Variants in APBA1 observed in about 807,000 individuals in gnomAD.
APBA1 encodes amyloid-beta A4 precursor protein-binding family A member 1.
A neutral mutation model predicts 86.6 loss-of-function variants in APBA1; 55 were observed. The observed-to-expected ratio is 0.64, with a 90% CI of 0.51 to 0.80. APBA1 has a LOEUF of 0.80. Ranked by LOEUF, APBA1 falls within the 30% of genes least tolerant of loss-of-function variation. The pLI, the probability that APBA1 is intolerant of heterozygous loss-of-function variation, is 0.00. For synonymous variants in APBA1, 511 were observed against 493.9 expected (o/e 1.03, Z -0.46); for missense variants, 1,090 against 1,183.0 (o/e 0.92, Z 1.15).
chr9:69,577,545 T>C (rs1409143868), intron 1 of APBA1, among the ~76,000 whole-genome samples: 3 of 152,122 alleles, frequency 2.0e-5, no homozygotes, highest in Non-Finnish European at 4.4e-5. Context: ...GGGTTTACAA[T>C]TTAGGACCAT....
At chr9:69,559,951 G>C (rs1026935921) in intron 1 of APBA1, among the ~76,000 whole-genome samples, 2 of 152,082 alleles carry the variant, frequency 1.3e-5, no homozygotes, top group African/African-American at 4.8e-5. Flanking sequence ...AGTAGTTTTG[G>C]CCCCCACACC....
At chr9:69,443,106 G>A (rs141463886) in intron 10 of APBA1, among the ~76,000 whole-genome samples, 17 of 152,266 alleles carry the variant, frequency 1.1e-4, no homozygotes, top group East Asian at 1.9e-4. Flanking sequence ...GCCAGCAGGT[G>A]TACACCAATG....
rs142641142 is a variant in APBA1, at chr9:69,497,825, G to C, written c.1200+18186C>G. ...GGTTTCATCGTCCATCGGTCACTTC[G>C]GGATCTGCAAATCTGCCTCATCTCA... On this transcript the variant is annotated intron_variant, in intron 2 of 12. Coordinates refer to ENST00000265381, the MANE Select transcript of APBA1 (RefSeq NM_001163.4). Among the ~76,000 whole-genome samples, 4 of 151,996 alleles carry C rather than the reference G, an allele frequency of 2.6e-5. 1 individual carries two copies.
chr9:69,500,282 T>C (rs1194047706), intron 2 of APBA1, among the ~76,000 whole-genome samples: 1 of 152,108 alleles, frequency 6.6e-6, no homozygotes, highest in East Asian at 1.9e-4. Context: ...CAACCCCAAA[T>C]GTTAAGTGAG....
chr9:69,458,166 C>T lies in APBA1; in HGVS notation c.1505G>A (p.Ser502Asn), dbSNP rs777580457. The T allele has an allele frequency of 6.2e-6, 10 of 1,612,040 alleles. No individual in the cohort carries two copies. In the East Asian group the frequency reaches 2.0e-4, roughly 32 times the overall value. The change falls in exon 6 of 13, where the codon AGC (serine) becomes AAC (asparagine). Residue 502 changes from serine (S) to asparagine (N), a missense_variant. Physicochemically the swap from Ser to Asn is conservative, Grantham distance 46. Coordinates refer to ENST00000265381, the MANE Select transcript of APBA1 (RefSeq NM_001163.4). ...TTGTTTGTACTGCACCTTCTTCCTG[C>T]TTTTGGCTAATTTCTGGGCCATCTG... ...RIKMAQKLAK[S>N]RKKAPEGESQ...
chr9:69,492,838 CTTG>C (rs1016147816), intron 2 of APBA1, among the ~76,000 whole-genome samples: 22 of 152,104 alleles, frequency 1.4e-4, no homozygotes, highest in Admixed American at 1.1e-3. Flanking sequence ...AGTTCCAATA[CTTG>C]TTGGCCTCTT....
intron 1 of APBA1, among the ~76,000 whole-genome samples, chr9:69,651,601 A>G (rs1280337900): frequency 2.6e-5 from 4 of 151,886 alleles, no homozygotes. Context: ...TTAGCCTCCC[A>G]AGTAGCTGGG....
chr9:69,491,253 C>T (rs1158983715), intron 2 of APBA1, among the ~76,000 whole-genome samples: 1 of 152,094 alleles, frequency 6.6e-6, no homozygotes, highest in Non-Finnish European at 1.5e-5. Context: ...GGCACATACA[C>T]ACCATGGAAT....
chr9:69,645,104 C>T (rs1224632662), intron 1 of APBA1, among the ~76,000 whole-genome samples: 5 of 152,064 alleles, frequency 3.3e-5, no homozygotes, highest in South Asian at 2.1e-4. Context: ...AGGATATCCA[C>T]GATAATCCTC....
At chr9:69,658,288 CTCTCTT>C (rs1564104934) in intron 1 of APBA1, among the ~76,000 whole-genome samples, 858 of 41,438 alleles carry the variant, frequency 0.021, 16 homozygotes, top group Middle Eastern at 0.038. Context: ...TTCTTTCTCT[CTCTCTT>C]TCTCTCTCTC....
chr9:69,635,196 A>G lies in APBA1; in HGVS notation c.-70+36957T>C, dbSNP rs570787627. ...CATAGTACAATAAGATATAAACAGA[A>G]AAGAAAAAGTTTAAAATCAGGGGAT... is the stretch of plus-strand genomic sequence containing the variant. On this transcript the variant is annotated intron_variant, in intron 1 of 12. Transcript: ENST00000265381. Among the ~76,000 whole-genome samples the G allele has an allele frequency of 7.8e-4, 119 of 152,300 alleles. No individual in the cohort carries two copies. In the South Asian group the frequency reaches 0.024, roughly 31 times the overall value.
chr9:69,633,547 A>G (rs1159543593), intron 1 of APBA1, among the ~76,000 whole-genome samples: 1 of 152,194 alleles, frequency 6.6e-6, no homozygotes, highest in African/African-American at 2.4e-5. Flanking sequence ...TGCCATCCCA[A>G]CTGACCTTTC....
intron 1 of APBA1, among the ~76,000 whole-genome samples, chr9:69,521,051 G>C (rs939873623): frequency 6.6e-6 from 1 of 152,148 alleles, no homozygotes; most frequent in Admixed American, 6.6e-5. Context: ...CATTTTCCAC[G>C]TGACACATTT....
At chr9:69,453,045 A>G (rs1157307696) in intron 8 of APBA1, among the ~76,000 whole-genome samples, 1 of 152,266 alleles carries the variant, frequency 6.6e-6, no homozygotes, top group Non-Finnish European at 1.5e-5. Flanking sequence ...AGTAGGCATA[A>G]GCATCTCACT....
intron 1 of APBA1, among the ~76,000 whole-genome samples, chr9:69,576,580 A>G (rs890689095): frequency 6.6e-6 from 1 of 152,184 alleles, no homozygotes; most frequent in Non-Finnish European, 1.5e-5. Flanking sequence ...GCTGGAAACC[A>G]TCATTCTCAG....
At position 69,429,770 on chromosome 9, in the gene APBA1, G is replaced by GAC. The variant is rs1346985925; in HGVS notation, c.*1555_*1556dup. 6.6e-6 allele frequency: 1 copy of GAC among 151,172 alleles called. No individual in the cohort carries two copies. Among genetic ancestry groups the GAC allele is most frequent in the Non-Finnish European group, 1.5e-5 (1 of 67,874 alleles). 9.4% of individuals were successfully genotyped at this position (151,172 alleles called of 1,614,324 possible). ...TGCTCACTGAGTTCCTATTTCCATA[G>GAC]ACACAACATAAATATCTCGGATGCA... On this transcript the variant is annotated 3_prime_UTR_variant, in exon 13 of 13. Transcript: ENST00000265381.
chr9:69,431,372 C>T lies in APBA1; in HGVS notation c.2469G>A (p.Ala823=), dbSNP rs766401869. 6 of 1,613,008 alleles carry T rather than the reference C, an allele frequency of 3.7e-6. No homozygotes were observed. The African/African-American group carries it at 4.0e-5, about 11-fold the overall frequency. ...CCTGGGCCGTCAGCAGCCTGTACAT[C>T]GCGGCTGGCATTGTCTTCATATGAA... ...GEIHMKTMPA[A]MYRLLTAQEQ... Residue 823 remains alanine (A), a synonymous_variant, in exon 13 of 13, where the codon GCG becomes GCA. Coordinates refer to ENST00000265381, the MANE Select transcript of APBA1 (RefSeq NM_001163.4).
chr9:69,607,297 G>A (rs1034567858), intron 1 of APBA1, among the ~76,000 whole-genome samples: 3 of 152,176 alleles, frequency 2.0e-5, no homozygotes, highest in African/African-American at 7.2e-5. Context: ...AAGAGAGCTT[G>A]TGCAGGGAAA....
intron 1 of APBA1, among the ~76,000 whole-genome samples, chr9:69,670,986 C>A (rs1107418): frequency 6.6e-6 from 1 of 152,238 alleles, no homozygotes; most frequent in East Asian, 1.9e-4. Flanking sequence ...GGGCACCAAA[C>A]ATTTCTCCGT....
Sources: gnomAD v4.1 joint callset for allele counts (sites outside exome capture counted in the v4.1 genomes callset) on GRCh38, gnomAD v4.1.1 for gene constraint, MANE v1.5 for transcripts, NCBI Gene and HGNC (gene_info 2026-07-23, HGNC 2026-07-21) for gene names.